Variants in DCAF4 observed in about 807,000 individuals in gnomAD.
DCAF4 encodes DDB1- and CUL4-associated factor 4.
Under a neutral mutation model 60.9 loss-of-function variants are expected in DCAF4, and 37 were observed. The ratio of observed to expected loss-of-function variants is 0.61; its 90% confidence interval spans 0.47 to 0.80. DCAF4 has a LOEUF of 0.80. DCAF4 is among the 30% of genes least tolerant of loss of function. The pLI is 0.00. For synonymous variants in DCAF4, 243 were observed against 254.8 expected (o/e 0.95, Z 0.44); for missense variants, 577 against 650.0 (o/e 0.89, Z 1.22).
In DCAF4 at chr14:72,959,260, G is replaced by A. The variant is rs976233098; in HGVS notation, c.*455G>A. 3.2e-5 allele frequency: 32 copies of A among 987,130 alleles called. No homozygotes were observed. Among genetic ancestry groups the A allele is most frequent in the Admixed American group, 1.8e-4 (3 of 16,466 alleles). 61.1% of individuals were successfully genotyped at this position (987,130 alleles called of 1,614,324 possible). ...TGCATCTGTACTTGGGGAAGCCAGCGGAGAGGACGGGGAGGTTACTTCTCT... is the reference window on the plus strand; with the variant it reads ...TGCATCTGTACTTGGGGAAGCCAGCAGAGAGGACGGGGAGGTTACTTCTCT... On this transcript the variant is annotated 3_prime_UTR_variant, in exon 14 of 14. Coordinates refer to ENST00000358377, the MANE Select transcript of DCAF4 (RefSeq NM_015604.4).
At chr14:72,940,410 TC>T (rs1378302855) in intron 4 of DCAF4, 33 bp downstream of exon 4, 1 of 1,580,106 alleles carries the variant, frequency 6.3e-7, no homozygotes, top group South Asian at 1.2e-5. Flanking sequence ...CCCTGTCCTC[TC>T]CGCTCCTGCC....
chr14:72,941,702 A>G (rs1399115289), intron 4 of DCAF4, 43 bp from the exon 5 acceptor site: 3 of 1,578,558 alleles, frequency 1.9e-6, no homozygotes, highest in East Asian at 2.2e-5. Flanking sequence ...CCCCTAACAA[A>G]TAAATCTTCA....
intron 2 of DCAF4, among the ~76,000 whole-genome samples, chr14:72,939,510 C>G (rs1889736044): frequency 6.6e-6 from 1 of 152,142 alleles, no homozygotes; most frequent in Non-Finnish European, 1.5e-5. Flanking sequence ...TCTATTTTTC[C>G]TTTTAATCTG....
intron 9 of DCAF4, among the ~76,000 whole-genome samples, chr14:72,953,063 C>T (rs1448785188): frequency 7.6e-6 from 1 of 131,380 alleles, no homozygotes; most frequent in Non-Finnish European, 1.5e-5. Flanking sequence ...TGCAATGACA[C>T]GATCTCAGTT....
chr14:72,930,016 C>T, intron 1 of DCAF4: 3 of 587,026 alleles, frequency 5.1e-6, no homozygotes, highest in Admixed American at 2.8e-5. Flanking sequence ...CCTGTAATTC[C>T]GGCTACTCCG....
At chr14:72,927,629 G>A (rs1444908729) in intron 1 of DCAF4, among the ~76,000 whole-genome samples, 4 of 152,100 alleles carry the variant, frequency 2.6e-5, no homozygotes, top group Non-Finnish European at 4.4e-5. Flanking sequence ...GGGATTACAG[G>A]CGTGAGCCAC....
chr14:72,943,835 C>T (rs1290715149), intron 6 of DCAF4, among the ~76,000 whole-genome samples: 2 of 152,166 alleles, frequency 1.3e-5, no homozygotes, highest in African/African-American at 4.8e-5. Context: ...TGGACTCGGT[C>T]ATCTGCTGGT....
At chr14:72,943,961 C>T (rs61988548) in intron 6 of DCAF4, among the ~76,000 whole-genome samples, 7,226 of 152,300 alleles carry the variant, frequency 0.047, 233 homozygotes, top group Non-Finnish European at 0.074. Flanking sequence ...ACCGGGCCCA[C>T]ATTCTCCCAT....
rs184260364 is a variant in DCAF4 at position 72,940,692 on chromosome 14, G to A, written c.351+315G>A. 5.5e-3 allele frequency among the ~76,000 whole-genome samples: 817 copies of A among 147,746 alleles called. 10 individuals are homozygous for A. The highest frequency in any genetic ancestry group is 0.019 in the African/African-American group (764 of 40,220). On this transcript the variant is annotated intron_variant, in intron 4 of 13. Transcript: ENST00000358377. ...TGCAACCTCCACCTCCCAGATTCAA[G>A]CAATTCTCCTGCCTCAGCCTCCTGA...
chr14:72,961,502 T>C (rs979400524), downstream of DCAF4, among the ~76,000 whole-genome samples: 1 of 152,252 alleles, frequency 6.6e-6, no homozygotes, highest in Non-Finnish European at 1.5e-5. Flanking sequence ...TTTTTCCACA[T>C]GGGTCAGAGA....
intron 4 of DCAF4, 88 bp downstream of exon 4, chr14:72,940,465 C>T: frequency 7.2e-7 from 1 of 1,385,338 alleles, no homozygotes; most frequent in Non-Finnish European, 9.6e-7. Context: ...AATTAGATGC[C>T]CCTGCGACAC....
At chr14:72,960,871 GC>G (rs1370338616), downstream of DCAF4, 5 of 158,610 alleles carry the variant, frequency 3.2e-5, no homozygotes, top group South Asian at 2.0e-4. Context: ...TGTATGTCAG[GC>G]CCCCCCCACC....
At position 72,959,268 on chromosome 14, in the gene DCAF4, C is replaced by T. The variant is rs1327368911; in HGVS notation, c.*463C>T. On this transcript the variant is annotated 3_prime_UTR_variant, in exon 14 of 14. Transcript: ENST00000358377. ...TACTTGGGGAAGCCAGCGGAGAGGACGGGGAGGTTACTTCTCTAAGTTTCT... is the reference window on the plus strand; with the variant it reads ...TACTTGGGGAAGCCAGCGGAGAGGATGGGGAGGTTACTTCTCTAAGTTTCT... 2.9e-5 allele frequency: 29 copies of T among 986,392 alleles called. No homozygotes were observed. Among genetic ancestry groups the T allele is most frequent in the South Asian group, 4.7e-5 (1 of 21,310 alleles). 61.1% of individuals were successfully genotyped at this position (986,392 alleles called of 1,614,324 possible).
At chr14:72,953,878 G>A (rs996770418) in intron 9 of DCAF4, among the ~76,000 whole-genome samples, 7 of 145,376 alleles carry the variant, frequency 4.8e-5, no homozygotes, top group Non-Finnish European at 9.0e-5. Context: ...GGTGATCGAG[G>A]ATCGGAGCCA....
At chr14:72,929,840 C>CGCG in intron 1 of DCAF4, 2 of 1,419,506 alleles carry the variant, frequency 1.4e-6, no homozygotes, top group Non-Finnish European at 2.0e-6. Context: ...CTCAGACGCC[C>CGCG]GCGGCGGCGG....
chr14:72,953,202 G>A (rs1891669934), intron 9 of DCAF4, among the ~76,000 whole-genome samples: 1 of 150,906 alleles, frequency 6.6e-6, no homozygotes. Flanking sequence ...GATTCTCCAT[G>A]TTGGTCAGGC....
chr14:72,948,045 G>T (rs1387469380), intron 8 of DCAF4, among the ~76,000 whole-genome samples: 18 of 152,174 alleles, frequency 1.2e-4, no homozygotes, highest in Admixed American at 1.2e-3. Flanking sequence ...CTGAGTTGTG[G>T]TGAGATTAAC....
At chr14:72,942,750 ACT>A (rs1471325271) in intron 5 of DCAF4, 1 of 498,164 alleles carries the variant, frequency 2.0e-6, no homozygotes, top group African/African-American at 2.0e-5. Context: ...ACTCCCTCTA[ACT>A]CCCACTCTTT....
chr14:72,954,670 C>T (rs1198416907), intron 11 of DCAF4, among the ~76,000 whole-genome samples, 187 bp downstream of exon 11: 1 of 152,044 alleles, frequency 6.6e-6, no homozygotes, highest in Middle Eastern at 3.2e-3. Flanking sequence ...TCCAGAAAGG[C>T]TGGCCTGAGT....
Sources: gnomAD v4.1 joint callset for allele counts (sites outside exome capture counted in the v4.1 genomes callset) on GRCh38, gnomAD v4.1.1 for gene constraint, MANE v1.5 for transcripts, NCBI Gene and HGNC (gene_info 2026-07-23, HGNC 2026-07-21) for gene names.